Variants in PUM2 observed in about 807,000 individuals in gnomAD.
PUM2 encodes pumilio RNA binding family member 2, also known as pumilio homolog 2.
A neutral mutation model predicts 124.5 loss-of-function variants in PUM2; 57 were observed. The observed-to-expected ratio is 0.46, with a 90% CI of 0.37 to 0.57. The LOEUF (loss-of-function observed/expected upper bound fraction) is 0.57. Ranked by LOEUF, PUM2 falls within the 20% of genes least tolerant of loss-of-function variation. PUM2 has a pLI of 0.00. For missense variants in PUM2, 1,065 were observed against 1,290.6 expected (o/e 0.83, Z 2.68); for synonymous variants, 460 against 446.1 (o/e 1.03, Z -0.39).
chr2:20,249,789 A>T lies in PUM2; in HGVS notation c.*1796T>A, dbSNP rs1662865466. On this transcript the variant is annotated 3_prime_UTR_variant, in exon 21 of 21. Coordinates refer to ENST00000361078, the MANE Select transcript of PUM2 (RefSeq NM_015317.5). ...TATACAAAATACTGACTTCAACAAA[A>T]TACAAAGCACTTTCTTTATCTTTCA... 1 of 152,660 alleles carries T rather than the reference A, an allele frequency of 6.6e-6. No individual in the cohort carries two copies. Among genetic ancestry groups the T allele is most frequent in the Admixed American group, 6.5e-5 (1 of 15,288 alleles). The allele number at this position is 152,660 out of a possible 1,614,324, so 9.5% of individuals were successfully genotyped here.
At chr2:20,350,435 T>G in intron 1 of PUM2, 162 bp downstream of exon 1, 5 of 926,134 alleles carry the variant, frequency 5.4e-6, no homozygotes, top group Non-Finnish European at 6.4e-6. Context: ...TCCCCCTGCA[T>G]TGTGCGAGCG....
Position 20,251,658 on chromosome 2 carries a change from T to C in PUM2, c.3122A>G (p.Lys1041Arg). The C allele has an allele frequency of 6.2e-7, 1 of 1,613,790 alleles. No homozygotes were observed. The highest frequency in any genetic ancestry group is 1.1e-5 in the South Asian group (1 of 91,058). Residue 1041 changes from lysine to arginine, a missense_variant, in exon 21 of 21, where the codon AAG (lysine) becomes AGG (arginine). This residue lies in a region of PUM2 where 968 missense variants were observed against 1,159.8 expected (regional missense o/e 0.83). Transcript: ENST00000361078. ...ATTCTTCAAATAATACTTTTCCAAC[T>C]TGGCCAGTATATGCTTCCCGTATGT... ...KYTYGKHILA[K>R]LEKYYLKNSP...
At chr2:20,337,792 G>C (rs1034835702) in intron 1 of PUM2, among the ~76,000 whole-genome samples, 1 of 152,120 alleles carries the variant, frequency 6.6e-6, no homozygotes, top group Non-Finnish European at 1.5e-5. Flanking sequence ...ATTTCCAAAA[G>C]GGTACAAATT....
chr2:20,320,592 C>A (rs571446340), intron 2 of PUM2, among the ~76,000 whole-genome samples: 88 of 150,516 alleles, frequency 5.8e-4, no homozygotes, highest in African/African-American at 1.9e-3. Flanking sequence ...AAAAAAACTC[C>A]ATTTTTTTAA....
chr2:20,289,679 T>C (rs1209744697), intron 10 of PUM2, among the ~76,000 whole-genome samples: 1 of 152,212 alleles, frequency 6.6e-6, no homozygotes, highest in Non-Finnish European at 1.5e-5. Context: ...AGAGAAAGAA[T>C]AAATGTAATT....
At chr2:20,329,900 T>C (rs1466662562) in intron 1 of PUM2, among the ~76,000 whole-genome samples, 1 of 151,832 alleles carries the variant, frequency 6.6e-6, no homozygotes, top group Non-Finnish European at 1.5e-5. Context: ...ATGAACAGGA[T>C]GGTAAAAATA....
intron 1 of PUM2, among the ~76,000 whole-genome samples, chr2:20,333,615 TA>T (rs1219436385): frequency 6.6e-6 from 1 of 152,130 alleles, no homozygotes; most frequent in Admixed American, 6.5e-5. Context: ...TTTACATTAT[TA>T]AAAGTATTTG....
intron 10 of PUM2, among the ~76,000 whole-genome samples, chr2:20,287,200 C>A (rs1672947092): frequency 6.6e-6 from 1 of 152,138 alleles, no homozygotes; most frequent in Admixed American, 6.5e-5. Flanking sequence ...TAAGACATTT[C>A]CCATCTACGA....
chr2:20,350,652 C>T lies in PUM2; in HGVS notation c.-74G>A, dbSNP rs1689176932. The T allele has an allele frequency of 2.0e-6, 2 of 985,374 alleles. No homozygotes were observed. The highest frequency in any genetic ancestry group is 9.4e-5 in the South Asian group (2 of 21,290). 61.0% of individuals were successfully genotyped at this position (985,374 alleles called of 1,614,324 possible). Reference sequence around the variant, plus strand: ...GGGACACCGACCGTTGGGCACACGGCGGCGTCGCTCTTGGCGGTCCTCCCC... The same window carrying T: ...GGGACACCGACCGTTGGGCACACGGTGGCGTCGCTCTTGGCGGTCCTCCCC... On this transcript the variant is annotated 5_prime_UTR_variant, in exon 1 of 21. Coordinates refer to ENST00000361078, the MANE Select transcript of PUM2 (RefSeq NM_015317.5).
At chr2:20,255,396 C>A (rs1664532002) in intron 17 of PUM2, 55 bp from the exon 18 acceptor site, 12 of 1,493,884 alleles carry the variant, frequency 8.0e-6, no homozygotes, top group East Asian at 2.3e-5. Flanking sequence ...TTGAACAGTT[C>A]TATGAAGCAG....
chr2:20,334,964 T>C (rs544481362), intron 1 of PUM2, among the ~76,000 whole-genome samples: 2 of 152,322 alleles, frequency 1.3e-5, no homozygotes, highest in East Asian at 3.9e-4. Context: ...TTGTTTTTTT[T>C]TGAGACAAGG....
Position 20,251,632 on chromosome 2 carries a change from T to C in PUM2, c.3148A>G (p.Ser1050Gly), listed in dbSNP as rs1347606714. Residue 1050 changes from serine to glycine, a missense_variant, in exon 21 of 21, where the codon AGC (serine) becomes GGC (glycine). Ser to Gly is a moderately conservative substitution (Grantham distance 56). Around this residue, in one of 3 missense-constraint regions of PUM2, gnomAD observed 968 missense variants for 1,159.8 expected, o/e 0.83. Coordinates refer to ENST00000361078, the MANE Select transcript of PUM2 (RefSeq NM_015317.5). ...CCTCCAATAGGTCCTAGGTCCGGGCTATTCTTCAAATAATACTTTTCCAAC... is the reference window on the plus strand; with the variant it reads ...CCTCCAATAGGTCCTAGGTCCGGGCCATTCTTCAAATAATACTTTTCCAAC... The part of the protein sequence containing the change: ...AKLEKYYLKN[S>G]PDLGPIGGPP... 6.2e-7 allele frequency: 1 copy of C among 1,613,884 alleles called. No individual in the cohort carries two copies. Among genetic ancestry groups the C allele is most frequent in the African/African-American group, 1.3e-5 (1 of 74,920 alleles).
chr2:20,292,528 A>C (rs1470602497), intron 9 of PUM2, among the ~76,000 whole-genome samples: 1 of 152,066 alleles, frequency 6.6e-6, no homozygotes, highest in Non-Finnish European at 1.5e-5. Context: ...ACGCTTGGCT[A>C]AGTTTTTGTA....
chr2:20,324,144 G>A (rs1471466884), intron 2 of PUM2, among the ~76,000 whole-genome samples: 1 of 152,038 alleles, frequency 6.6e-6, no homozygotes, highest in Non-Finnish European at 1.5e-5. Context: ...TAAAGCAAGA[G>A]CATTTCAGAG....
At chr2:20,300,481 G>A (rs953547521) in intron 7 of PUM2, among the ~76,000 whole-genome samples, 12 of 152,192 alleles carry the variant, frequency 7.9e-5, no homozygotes, top group African/African-American at 2.7e-4. Flanking sequence ...CGTGGCCAAG[G>A]AAGAAGTCCA....
intron 1 of PUM2, chr2:20,350,186 C>T (rs1208923434): frequency 1.3e-5 from 2 of 152,498 alleles, no homozygotes; most frequent in Non-Finnish European, 2.9e-5. Flanking sequence ...CATAAACCCA[C>T]TCCTTCCTCT....
At chr2:20,304,594 C>T (rs1444038704) in intron 7 of PUM2, among the ~76,000 whole-genome samples, 1 of 152,114 alleles carries the variant, frequency 6.6e-6, no homozygotes, top group Non-Finnish European at 1.5e-5. Flanking sequence ...CGTGACCAAA[C>T]CCATATGGTA....
chr2:20,301,672 T>C (rs1677014085), intron 7 of PUM2, among the ~76,000 whole-genome samples: 1 of 152,082 alleles, frequency 6.6e-6, no homozygotes, highest in African/African-American at 2.4e-5. Flanking sequence ...ATTTCAGCCT[T>C]CACCTCCCAG....
chr2:20,315,653 T>C (rs999701311), intron 3 of PUM2, among the ~76,000 whole-genome samples: 3 of 152,078 alleles, frequency 2.0e-5, no homozygotes, highest in Non-Finnish European at 4.4e-5. Flanking sequence ...TGCTTTGCTT[T>C]TCAACACCTC....
Sources: allele counts gnomAD v4.1 joint callset (sites outside exome capture counted in the v4.1 genomes callset), GRCh38; gene constraint gnomAD v4.1.1; regional missense constraint gnomAD v4.1.1; transcripts MANE v1.5; gene names NCBI Gene and HGNC (gene_info 2026-07-23, HGNC 2026-07-21).